HNF4G: variants seen among roughly 807,000 people sequenced by gnomAD.
The protein encoded by HNF4G is hepatocyte nuclear factor 4-gamma.
HNF4G carries 21 observed loss-of-function variants against 50.9 expected under a neutral mutation model. The ratio of observed to expected loss-of-function variants is 0.41; its 90% confidence interval spans 0.29 to 0.59. The LOEUF is 0.59. HNF4G is among the 20% of genes least tolerant of loss of function. The pLI, the probability that HNF4G is intolerant of heterozygous loss-of-function variation, is 0.26. For synonymous variants in HNF4G, 198 were observed against 185.6 expected, an observed-to-expected ratio of 1.07 and a Z score of -0.54; for missense variants, 527 against 559.4, an observed-to-expected ratio of 0.94 and a Z score of 0.58.
chr8:75,436,400 T>C (rs1180215568), intron 1 of HNF4G, among the ~76,000 whole-genome samples: 1 of 152,196 alleles, frequency 6.6e-6, no homozygotes, highest in African/African-American at 2.4e-5. Context: ...CTATTTTAAA[T>C]CTATTATAAT....
chr8:75,479,476 A>G (rs1192138181), intron 1 of HNF4G, among the ~76,000 whole-genome samples: 1 of 152,188 alleles, frequency 6.6e-6, no homozygotes, highest in Non-Finnish European at 1.5e-5. Context: ...CTGTCTTTAG[A>G]GCCATACACT....
chr8:75,495,177 C>A, intron 2 of HNF4G, among the ~76,000 whole-genome samples: 1 of 152,174 alleles, frequency 6.6e-6, no homozygotes, highest in East Asian at 1.9e-4. Context: ...CTAGTATCCT[C>A]CTACTCTTCT....
At chr8:75,496,370 T>A (rs951785602) in intron 2 of HNF4G, among the ~76,000 whole-genome samples, 9 of 151,958 alleles carry the variant, frequency 5.9e-5, no homozygotes, top group African/African-American at 9.7e-5. Context: ...TATAATATAT[T>A]TTTTTTCAAC....
At chr8:75,411,247 G>A (rs1489854367) in intron 1 of HNF4G, among the ~76,000 whole-genome samples, 2 of 152,162 alleles carry the variant, frequency 1.3e-5, no homozygotes, top group Non-Finnish European at 2.9e-5. Context: ...GCAGAGGAAC[G>A]GTTGAAACCT....
At chr8:75,513,735 A>AT (rs911427558) in intron 2 of HNF4G, among the ~76,000 whole-genome samples, 1 of 151,716 alleles carries the variant, frequency 6.6e-6, no homozygotes, top group African/African-American at 2.4e-5. Flanking sequence ...TATGCAAAAG[A>AT]TTTTTTTCTT....
chr8:75,472,660 G>C (rs1171492000), intron 1 of HNF4G, among the ~76,000 whole-genome samples: 1 of 151,602 alleles, frequency 6.6e-6, no homozygotes, highest in Non-Finnish European at 1.5e-5. Context: ...TAAAAGATGA[G>C]GAAAGTAAAG....
At chr8:75,411,623 G>A (rs1449824293) in intron 1 of HNF4G, among the ~76,000 whole-genome samples, 1 of 152,066 alleles carries the variant, frequency 6.6e-6, no homozygotes, top group Non-Finnish European at 1.5e-5. Context: ...AAACGAATAG[G>A]GAGTTCACTT....
At chr8:75,420,603 C>T (rs921046251) in intron 1 of HNF4G, among the ~76,000 whole-genome samples, 9 of 152,182 alleles carry the variant, frequency 5.9e-5, no homozygotes, top group Admixed American at 1.3e-4. Context: ...AACCCTTCCC[C>T]GATCTCCCAC....
chr8:75,466,249 C>T (rs548993701), intron 1 of HNF4G, among the ~76,000 whole-genome samples: 60 of 152,184 alleles, frequency 3.9e-4, no homozygotes, highest in African/African-American at 1.1e-3. Context: ...ATACATTCTG[C>T]CTTCTTTCCT....
intron 1 of HNF4G, among the ~76,000 whole-genome samples, chr8:75,476,636 T>C (rs1394320693): frequency 6.6e-6 from 1 of 152,250 alleles, no homozygotes; most frequent in Non-Finnish European, 1.5e-5. Flanking sequence ...TTTTTACATG[T>C]ACTGTAGATT....
At chr8:75,531,394 G>A (rs1806322859) in intron 2 of HNF4G, among the ~76,000 whole-genome samples, 1 of 152,028 alleles carries the variant, frequency 6.6e-6, no homozygotes, top group Admixed American at 6.6e-5. Flanking sequence ...TTCAATACAA[G>A]AGGTTAGAAT....
chr8:75,529,092 C>A (rs1054193354), intron 2 of HNF4G, among the ~76,000 whole-genome samples: 2 of 151,802 alleles, frequency 1.3e-5, no homozygotes, highest in African/African-American at 2.4e-5. Context: ...CAAGACCATC[C>A]TGCCTAACAC....
intron 1 of HNF4G, among the ~76,000 whole-genome samples, chr8:75,433,730 A>T (rs1457309958): frequency 6.6e-6 from 1 of 152,080 alleles, no homozygotes; most frequent in Non-Finnish European, 1.5e-5. Flanking sequence ...TATGCATGCA[A>T]GTATAATGTC....
rs1585838677 is a variant in HNF4G at position 75,433,592 on chromosome 8, C to T, written c.-144+25430C>T. 2.0e-5 allele frequency among the ~76,000 whole-genome samples: 3 copies of T among 152,116 alleles called. No individual in the cohort carries two copies. In the East Asian group the frequency reaches 5.8e-4, roughly 29 times the overall value. ...AGTAGTAGTAATAGAGACAAGATCT[C>T]ACTACTGTGTTGCACGGGCTGGTCT... On this transcript the variant is annotated intron_variant, in intron 1 of 10. Coordinates refer to the HNF4G transcript ENST00000354370.
At chr8:75,498,329 G>T (rs1369241437) in intron 2 of HNF4G, among the ~76,000 whole-genome samples, 1 of 151,906 alleles carries the variant, frequency 6.6e-6, no homozygotes, top group Non-Finnish European at 1.5e-5. Flanking sequence ...AAATTTCTAG[G>T]AAGACACAAA....
intron 3 of HNF4G, among the ~76,000 whole-genome samples, chr8:75,550,177 C>T (rs886842573): frequency 1.3e-5 from 2 of 152,134 alleles, no homozygotes; most frequent in African/African-American, 4.8e-5. Flanking sequence ...TCCAGCAGAA[C>T]AAATTACAGC....
chr8:75,540,367 A>G (rs1806580652), intron 1 of HNF4G, among the ~76,000 whole-genome samples: 3 of 152,114 alleles, frequency 2.0e-5, no homozygotes, highest in Admixed American at 2.0e-4. Context: ...CTCAGCTGTT[A>G]TTTTATTTGC....
intron 2 of HNF4G, among the ~76,000 whole-genome samples, chr8:75,517,305 A>C (rs3106682): frequency 0.4 from 60,206 of 151,936 alleles, 12,210 homozygotes; most frequent in Middle Eastern, 0.58. Context: ...TTACATTTCA[A>C]AACCAATCAT....
chr8:75,539,821 C>T (rs547501085), upstream of HNF4G: 10 of 561,964 alleles, frequency 1.8e-5, no homozygotes, highest in East Asian at 3.0e-4. Context: ...TACAGTTTTA[C>T]AGCCCCTCCC....
Sources: gnomAD v4.1 joint callset for allele counts (sites outside exome capture counted in the v4.1 genomes callset) on GRCh38, gnomAD v4.1.1 for gene constraint, MANE v1.5 for transcripts, NCBI Gene and HGNC (gene_info 2026-07-23, HGNC 2026-07-21) for gene names.